The following UBXN2A variants were observed in gnomAD, a reference collection of about 807,000 sequenced individuals.
The protein encoded by UBXN2A is UBX domain-containing protein 2A.
In UBXN2A, 28 loss-of-function variants were observed where a neutral mutation model predicts 28.4. The ratio of observed to expected loss-of-function variants is 0.99; its 90% CI spans 0.73 to 1.35. The LOEUF (loss-of-function observed/expected upper bound fraction) is 1.35. Ranked by LOEUF, UBXN2A falls within the 40% of genes most tolerant of loss-of-function variation. The probability of loss-of-function intolerance (pLI) is 0.00; values close to 1 mark genes in which losing one functional copy is unlikely to be tolerated. For synonymous variants in UBXN2A, 97 were observed against 103.6 expected, an observed-to-expected ratio of 0.94 and a Z score of 0.39; for missense variants, 253 against 297.9, an observed-to-expected ratio of 0.85 and a Z score of 1.11.
intron 1 of UBXN2A, among the ~76,000 whole-genome samples, chr2:23,928,521 A>G (rs12613859): frequency 0.19 from 28,103 of 151,402 alleles, 2,688 homozygotes; most frequent in Middle Eastern, 0.26. Flanking sequence ...AGATTGCAGT[A>G]AGCCAAGATC....
chr2:23,932,905 C>A (rs1705414053), intron 1 of UBXN2A, among the ~76,000 whole-genome samples: 2 of 151,980 alleles, frequency 1.3e-5, no homozygotes, highest in Admixed American at 1.3e-4. Context: ...GAAATAGAGA[C>A]TATCCTGGCT....
chr2:23,952,075 T>C (rs1706399857), intron 1 of UBXN2A, among the ~76,000 whole-genome samples: 1 of 151,324 alleles, frequency 6.6e-6, no homozygotes, highest in Admixed American at 6.6e-5. Context: ...CAAGCAATTC[T>C]CCTGCTTCAG....
intron 6 of UBXN2A, among the ~76,000 whole-genome samples, chr2:23,985,111 A>G (rs1047996159): frequency 6.6e-6 from 1 of 151,920 alleles, no homozygotes; most frequent in African/African-American, 2.4e-5. Flanking sequence ...AATTTTAAAA[A>G]TTGTTTTGTA....
intron 6 of UBXN2A, among the ~76,000 whole-genome samples, chr2:23,988,615 T>G (rs1708222590): frequency 6.6e-6 from 1 of 152,204 alleles, no homozygotes; most frequent in Non-Finnish European, 1.5e-5. Flanking sequence ...GATGTTAAAT[T>G]TGACACTCGA....
intron 1 of UBXN2A, among the ~76,000 whole-genome samples, chr2:23,934,940 C>T (rs1031743282): frequency 6.6e-6 from 1 of 151,770 alleles, no homozygotes; most frequent in Non-Finnish European, 1.5e-5. Flanking sequence ...CTGGGTGTGG[C>T]GGTGCATACC....
At chr2:23,962,819 A>G (rs1706992410) in intron 2 of UBXN2A, among the ~76,000 whole-genome samples, 1 of 152,032 alleles carries the variant, frequency 6.6e-6, no homozygotes, top group Non-Finnish European at 1.5e-5. Flanking sequence ...TTGGTCAGGC[A>G]GGCTGGTCTC....
chr2:23,995,957 T>C (rs1573613135), intron 6 of UBXN2A, among the ~76,000 whole-genome samples: 2 of 151,744 alleles, frequency 1.3e-5, no homozygotes, highest in Non-Finnish European at 2.9e-5. Context: ...GTGCAGTGGC[T>C]CAATCTCGGC....
intron 6 of UBXN2A, among the ~76,000 whole-genome samples, chr2:23,998,154 T>G (rs1281977254): frequency 6.6e-6 from 1 of 152,188 alleles, no homozygotes; most frequent in Non-Finnish European, 1.5e-5. Context: ...ATAGAATATC[T>G]CTCAACATTG....
At chr2:23,943,038 C>T (rs376952020) in intron 1 of UBXN2A, among the ~76,000 whole-genome samples, 25 of 151,974 alleles carry the variant, frequency 1.6e-4, no homozygotes, top group African/African-American at 5.3e-4. Flanking sequence ...TCACTGCAAC[C>T]TCTGCCTCCC....
chr2:23,993,157 T>C (rs1477006040), intron 6 of UBXN2A, among the ~76,000 whole-genome samples: 2 of 152,230 alleles, frequency 1.3e-5, no homozygotes, highest in Admixed American at 6.5e-5. Context: ...TGTTCTTTTG[T>C]GACCTAAATT....
chr2:23,953,187 A>T (rs1266972499), intron 1 of UBXN2A, among the ~76,000 whole-genome samples: 1 of 152,152 alleles, frequency 6.6e-6, no homozygotes, highest in East Asian at 1.9e-4. Flanking sequence ...ACTGCCTTTT[A>T]AAAAAACAAA....
intron 6 of UBXN2A, among the ~76,000 whole-genome samples, chr2:23,986,634 G>A (rs1438696963): frequency 2.1e-5 from 3 of 146,078 alleles, no homozygotes; most frequent in Non-Finnish European, 3.0e-5. Context: ...TTTTTGAGAC[G>A]GGGTCTTCTG....
At chr2:23,974,997 AAAAG>A (rs1707595891) in intron 3 of UBXN2A, among the ~76,000 whole-genome samples, 1 of 151,966 alleles carries the variant, frequency 6.6e-6, no homozygotes, top group South Asian at 2.1e-4. Flanking sequence ...AAAGAAAAGA[AAAAG>A]AAAGCAACCA....
chr2:23,935,639 C>T (rs1013414286), upstream of UBXN2A, among the ~76,000 whole-genome samples: 33 of 152,146 alleles, frequency 2.2e-4, no homozygotes, highest in African/African-American at 7.7e-4. Flanking sequence ...GAAATTAGAA[C>T]ACTAGTACAT....
At chr2:23,988,494 T>A (rs557939992) in intron 6 of UBXN2A, among the ~76,000 whole-genome samples, 1 of 152,340 alleles carries the variant, frequency 6.6e-6, no homozygotes, top group South Asian at 2.1e-4. Flanking sequence ...TGATGCTTCC[T>A]CATGATTATA....
At chr2:23,966,049 T>A (rs1707148230) in intron 2 of UBXN2A, among the ~76,000 whole-genome samples, 1 of 152,166 alleles carries the variant, frequency 6.6e-6, no homozygotes, top group African/African-American at 2.4e-5. Flanking sequence ...TATACACTCA[T>A]CAAAAGTGAA....
In UBXN2A at chr2:23,940,525, C is replaced by T. The variant is rs1260667814; in HGVS notation, c.-138C>T. The T allele has an allele frequency of 2.0e-5, 3 of 151,540 alleles. No individual in the cohort carries two copies. Among genetic ancestry groups the T allele is most frequent in the East Asian group, 1.9e-4 (1 of 5,174 alleles). 9.4% of individuals were successfully genotyped at this position (151,540 alleles called of 1,614,324 possible). On this transcript the variant is annotated 5_prime_UTR_variant, in exon 1 of 7. Coordinates refer to ENST00000309033, the MANE Select transcript of UBXN2A (RefSeq NM_181713.4). ...GATCTCAGCGGCGCGGCCGCGGAACCTGAGGCGGTCTGGGGCGGCGGCGCT... is the reference window on the plus strand; with the variant it reads ...GATCTCAGCGGCGCGGCCGCGGAACTTGAGGCGGTCTGGGGCGGCGGCGCT...
At chr2:23,966,241 C>T (rs1707156150) in intron 2 of UBXN2A, among the ~76,000 whole-genome samples, 1 of 151,952 alleles carries the variant, frequency 6.6e-6, no homozygotes, top group Non-Finnish European at 1.5e-5. Context: ...CAGGTTCAAG[C>T]ATTTCTCCTG....
intron 1 of UBXN2A, among the ~76,000 whole-genome samples, chr2:23,950,767 G>C (rs1706324017): frequency 6.6e-6 from 1 of 151,666 alleles, no homozygotes; most frequent in Non-Finnish European, 1.5e-5. Context: ...GAAGTGGCAC[G>C]ATCTTGGCTC....
Sources: allele counts gnomAD v4.1 joint callset (sites outside exome capture counted in the v4.1 genomes callset), GRCh38; gene constraint gnomAD v4.1.1; transcripts MANE v1.5; gene names NCBI Gene and HGNC (gene_info 2026-07-23, HGNC 2026-07-21).